HIVEP3: variants seen among roughly 807,000 people sequenced by gnomAD.
HIVEP3 encodes the protein transcription factor HIVEP3.
In HIVEP3, 49 loss-of-function variants were observed where a neutral mutation model predicts 152.8. That is an observed-to-expected ratio of 0.32 (90% CI 0.26 to 0.41). HIVEP3 has a LOEUF of 0.41. HIVEP3 is among the 10% of genes least tolerant of loss of function. The probability of loss-of-function intolerance (pLI) is 1.00; values close to 1 mark genes in which losing one functional copy is unlikely to be tolerated. For synonymous variants in HIVEP3, 1,269 were observed against 1,289.0 expected, an observed-to-expected ratio of 0.98 and a Z score of 0.33; for missense variants, 2,790 against 3,103.3, an observed-to-expected ratio of 0.90 and a Z score of 2.40.
At chr1:42,021,231 C>T (rs2124535200) in intron 1 of HIVEP3, among the ~76,000 whole-genome samples, 1 of 152,258 alleles carries the variant, frequency 6.6e-6, no homozygotes, top group Admixed American at 6.5e-5. Flanking sequence ...AGAGATGGTG[C>T]TGGCTTGGAC....
chr1:41,910,387 A>G (rs1272796006), intron 1 of HIVEP3, among the ~76,000 whole-genome samples: 8 of 152,156 alleles, frequency 5.3e-5, no homozygotes, highest in African/African-American at 1.9e-4. Context: ...CTGAATACCC[A>G]TGATCTATTG....
At position 41,510,659 on chromosome 1, in the gene HIVEP3, G is replaced by C. The variant is rs58930436; in HGVS notation, c.7013C>G (p.Pro2338Arg). 1.7e-5 allele frequency: 26 copies of C among 1,527,004 alleles called. No homozygotes were observed. In the East Asian group the frequency reaches 2.2e-4, roughly 13 times the overall value. 94.6% of individuals were successfully genotyped at this position (1,527,004 alleles called of 1,614,324 possible). Residue 2338 changes from proline (P) to arginine (R), a missense_variant, in exon 9 of 9, where the codon CCG (proline) becomes CGG (arginine). By Grantham distance (103) the Pro-to-Arg change is moderately radical. Transcript: ENST00000372583. ...WSPRLESPRA[P>R]TNPEPSATPP... ...GGTGGCAGAAGGCTCGGGGTTGGTCGGTGCACGCGGGGACTCCAAGCGGGG... is the reference window on the plus strand; with the variant it reads ...GGTGGCAGAAGGCTCGGGGTTGGTCCGTGCACGCGGGGACTCCAAGCGGGG...
At chr1:41,666,941 C>A (rs1029659698) in intron 2 of HIVEP3, among the ~76,000 whole-genome samples, 1 of 152,210 alleles carries the variant, frequency 6.6e-6, no homozygotes. Context: ...GCCTTCCAAG[C>A]ACATTTTGCA....
At chr1:41,521,964 C>A (rs900157502) in intron 6 of HIVEP3, among the ~76,000 whole-genome samples, 4 of 152,246 alleles carry the variant, frequency 2.6e-5, no homozygotes, top group African/African-American at 9.6e-5. Flanking sequence ...CCCAGCCCCA[C>A]CTACTGACGC....
intron 3 of HIVEP3, among the ~76,000 whole-genome samples, chr1:41,602,648 T>C (rs1644764468): frequency 6.6e-6 from 1 of 152,076 alleles, no homozygotes; most frequent in Non-Finnish European, 1.5e-5. Flanking sequence ...TAGCTAATGA[T>C]TTGTCAATTT....
intron 3 of HIVEP3, among the ~76,000 whole-genome samples, chr1:41,603,786 A>T (rs1160898122): frequency 6.6e-6 from 1 of 152,230 alleles, no homozygotes; most frequent in Non-Finnish European, 1.5e-5. Context: ...CTTGAAAAGA[A>T]TGTGTATTCT....
At chr1:41,700,809 G>T (rs1317401878) in intron 2 of HIVEP3, 107 bp downstream of exon 2, 2 of 355,152 alleles carry the variant, frequency 5.6e-6, no homozygotes, top group Non-Finnish European at 7.9e-6. Flanking sequence ...TCTCCTGCCC[G>T]AGGCTAAGGT....
At chr1:41,718,580 C>G (rs923336314) in intron 1 of HIVEP3, among the ~76,000 whole-genome samples, 2 of 152,126 alleles carry the variant, frequency 1.3e-5, no homozygotes, top group Non-Finnish European at 2.9e-5. Context: ...CCCCAGCCAC[C>G]CGGCTTAGCA....
In HIVEP3 at chr1:41,583,195, CA is replaced by C. The variant is rs1241831148; in HGVS notation, c.1602del (p.Val535CysfsTer4). ...ATTGAGTGGCTTCTCAGGAGAGGCA[CA>C]GGGGGGGCGGTACTGGGCGGGTGCT... Reference protein sequence around the residue: ...SLQHPPSTAPPVPLLRSHSMP... With the variant: ...SLQHPPSTAPXVPLLRSHSMP... On this transcript the variant is annotated frameshift_variant, in exon 4 of 9. Coordinates refer to ENST00000372583, the MANE Select transcript of HIVEP3 (RefSeq NM_024503.5). LOFTEE classifies it high-confidence loss of function. This position sits in a 1 kb window ranked among gnomAD's most constrained non-coding sequence, Gnocchi z 6.9. The C allele has an allele frequency of 1.0e-5, 16 of 1,603,842 alleles. No homozygotes were observed. The highest frequency in any genetic ancestry group is 4.0e-5 in the African/African-American group (3 of 74,366).
chr1:41,560,704 C>T (rs537847290), intron 5 of HIVEP3, among the ~76,000 whole-genome samples: 46 of 152,318 alleles, frequency 3.0e-4, no homozygotes, highest in South Asian at 1.5e-3. Flanking sequence ...TACACCACAG[C>T]GGAGGCCCCT....
At chr1:41,687,468 C>G (rs1324531891) in intron 2 of HIVEP3, among the ~76,000 whole-genome samples, 1 of 152,246 alleles carries the variant, frequency 6.6e-6, no homozygotes, top group Non-Finnish European at 1.5e-5. Context: ...AGGGCTTCAT[C>G]ATGCTCTGCC....
intron 2 of HIVEP3, among the ~76,000 whole-genome samples, chr1:41,691,329 A>G (rs1202014773): frequency 6.6e-6 from 1 of 152,230 alleles, no homozygotes; most frequent in African/African-American, 2.4e-5. Flanking sequence ...AGTATAAAGA[A>G]GAAGAGAAAA....
At chr1:41,931,474 C>T (rs1242931103) in intron 1 of HIVEP3, among the ~76,000 whole-genome samples, 4 of 152,044 alleles carry the variant, frequency 2.6e-5, no homozygotes, top group Non-Finnish European at 5.9e-5. Context: ...ATTTTGTCAA[C>T]ACTACACTTC....
intron 2 of HIVEP3, among the ~76,000 whole-genome samples, chr1:41,678,287 G>A (rs1030384821): frequency 2.6e-5 from 4 of 152,134 alleles, no homozygotes; most frequent in Admixed American, 1.3e-4. Flanking sequence ...CCTCCATTGG[G>A]AGCCTGATTG....
At chr1:42,002,384 G>A (rs1403082745) in intron 1 of HIVEP3, among the ~76,000 whole-genome samples, 9 of 152,102 alleles carry the variant, frequency 5.9e-5, no homozygotes, top group South Asian at 2.1e-4. Flanking sequence ...TGTCAGTCGC[G>A]AAAGAGTGCA....
intron 1 of HIVEP3, among the ~76,000 whole-genome samples, chr1:41,902,461 C>T (rs1030835053): frequency 6.6e-5 from 10 of 152,120 alleles, no homozygotes; most frequent in Admixed American, 2.0e-4. Flanking sequence ...AGTTTGTACA[C>T]CCCCACCCCC....
intron 5 of HIVEP3, among the ~76,000 whole-genome samples, chr1:41,528,768 T>C: frequency 2.1e-5 from 2 of 93,748 alleles, no homozygotes; most frequent in Non-Finnish European, 2.2e-5. Context: ...CACACTCACC[T>C]TCACACACTC....
In HIVEP3 at chr1:41,644,693, C is replaced by CTTTTTTTTT. The variant is rs60511656; in HGVS notation, c.-720-15755_-720-15747dup. On this transcript the variant is annotated intron_variant, in intron 2 of 8. Coordinates refer to ENST00000372583, the MANE Select transcript of HIVEP3 (RefSeq NM_024503.5). Reference sequence around the variant, plus strand: ...TTTAAAGCACACTTGCATATCTGTTCTTTTTTTTTTTTTTTTTTTTTTTTG... The same window carrying CTTTTTTTTT: ...TTTAAAGCACACTTGCATATCTGTTCTTTTTTTTTTTTTTTTTTTTTTTTTTTTTTTTTG... Among the ~76,000 whole-genome samples, 32 of 74,730 alleles carry CTTTTTTTTT rather than the reference C, an allele frequency of 4.3e-4. 2 individuals carry two copies. Among genetic ancestry groups the CTTTTTTTTT allele is most frequent in the African/African-American group, 9.8e-4 (19 of 19,430 alleles). 49.0% of individuals were successfully genotyped at this position (74,730 alleles called of 152,430 possible).
At chr1:41,778,132 G>A (rs1442847478) in intron 1 of HIVEP3, among the ~76,000 whole-genome samples, 3 of 152,180 alleles carry the variant, frequency 2.0e-5, no homozygotes, top group Non-Finnish European at 4.4e-5. Context: ...TGACCGAAAA[G>A]TTGATTTTCT....
Sources: allele counts gnomAD v4.1 joint callset (sites outside exome capture counted in the v4.1 genomes callset), GRCh38; gene constraint gnomAD v4.1.1; non-coding constraint Gnocchi (gnomAD v3.1); transcripts MANE v1.5; gene names NCBI Gene and HGNC (gene_info 2026-07-23, HGNC 2026-07-21).